Variants in ZNF804A observed in about 807,000 individuals in gnomAD.
ZNF804A encodes the protein zinc finger protein 804A.
A neutral mutation model predicts 16.5 loss-of-function variants in ZNF804A; 2 were observed. The ratio of observed to expected loss-of-function variants is 0.12; its 90% CI spans 0.05 to 0.38. The LOEUF (loss-of-function observed/expected upper bound fraction) is 0.38, where lower values mean the gene tolerates loss of function less well. ZNF804A is among the 10% of genes least tolerant of loss of function. ZNF804A has a pLI of 0.99. For synonymous variants in ZNF804A, 534 were observed against 489.6 expected, an observed-to-expected ratio of 1.09 and a Z score of -1.20; for missense variants, 1,473 against 1,390.7, an observed-to-expected ratio of 1.06 and a Z score of -0.94.
intron 1 of ZNF804A, among the ~76,000 whole-genome samples, chr2:184,839,444 C>T (rs1469494736): frequency 1.3e-5 from 2 of 152,050 alleles, no homozygotes; most frequent in Non-Finnish European, 2.9e-5. Context: ...ATTAATTTAA[C>T]ATGTATTTCC....
At chr2:184,657,985 A>G (rs972364430) in intron 1 of ZNF804A, among the ~76,000 whole-genome samples, 1 of 152,238 alleles carries the variant, frequency 6.6e-6, no homozygotes, top group African/African-American at 2.4e-5. Flanking sequence ...TACGATTGTC[A>G]AATTGTTCAT....
intron 1 of ZNF804A, among the ~76,000 whole-genome samples, chr2:184,675,384 GT>G (rs1199353655): frequency 6.6e-6 from 1 of 151,582 alleles, no homozygotes; most frequent in Admixed American, 6.6e-5. Context: ...GCACAGGTTT[GT>G]TTTTTACAAA....
intron 2 of ZNF804A, among the ~76,000 whole-genome samples, 164 bp downstream of exon 2, chr2:184,866,676 T>C (rs1010007313): frequency 2.7e-5 from 4 of 150,314 alleles, no homozygotes; most frequent in Non-Finnish European, 5.9e-5. Flanking sequence ...TACAGCAAAA[T>C]CCTTTTTTTT....
chr2:184,810,861 A>G (rs960664918), intron 1 of ZNF804A, among the ~76,000 whole-genome samples: 2 of 152,192 alleles, frequency 1.3e-5, no homozygotes, highest in African/African-American at 2.4e-5. Context: ...TTCCACCAGA[A>G]TAAGAGCGTA....
intron 1 of ZNF804A, among the ~76,000 whole-genome samples, chr2:184,712,093 C>A (rs1242605933): frequency 6.6e-6 from 1 of 151,714 alleles, no homozygotes; most frequent in Admixed American, 6.6e-5. Flanking sequence ...ATCCAGTCCA[C>A]AAACATGGGA....
chr2:184,811,523 C>T (rs985578255), intron 1 of ZNF804A, among the ~76,000 whole-genome samples: 3 of 151,952 alleles, frequency 2.0e-5, no homozygotes, highest in Non-Finnish European at 2.9e-5. Flanking sequence ...CATAAAAATA[C>T]ACGCATTATA....
chr2:184,828,215 G>A (rs533256381), intron 1 of ZNF804A, among the ~76,000 whole-genome samples: 1 of 151,828 alleles, frequency 6.6e-6, no homozygotes, highest in South Asian at 2.1e-4. Flanking sequence ...ACTTACAGAG[G>A]TTAAGAATTT....
At chr2:184,771,291 A>G (rs1315809140) in intron 1 of ZNF804A, among the ~76,000 whole-genome samples, 1 of 152,092 alleles carries the variant, frequency 6.6e-6, no homozygotes, top group African/African-American at 2.4e-5. Context: ...TCAGCAATGT[A>G]TAGCTGCATA....
At position 184,938,503 on chromosome 2, in the gene ZNF804A, T is replaced by A; in HGVS notation, c.3107T>A (p.Ile1036Asn). ...PLALPEQALL[I>N]PLENHDKFKN... ...GCTTTACCAGAGCAAGCATTATTGA[T>A]CCCACTAGAAAACCATGACAAATTC... Residue 1036 changes from isoleucine to asparagine, a missense_variant, in exon 4 of 4, where the codon ATC becomes AAC. Transcript: ENST00000302277. The A allele has an allele frequency of 1.2e-6, 2 of 1,614,052 alleles. No individual in the cohort carries two copies. Among genetic ancestry groups the A allele is most frequent in the Admixed American group, 3.3e-5 (2 of 59,980 alleles).
intron 2 of ZNF804A, among the ~76,000 whole-genome samples, chr2:184,929,379 GT>G (rs1229640349): frequency 2.6e-5 from 4 of 151,930 alleles, no homozygotes; most frequent in African/African-American, 9.7e-5. Flanking sequence ...TCATTCATTT[GT>G]TTTTCATTAG....
intron 1 of ZNF804A, among the ~76,000 whole-genome samples, chr2:184,774,241 C>T (rs1694256534): frequency 6.6e-6 from 1 of 151,810 alleles, no homozygotes; most frequent in African/African-American, 2.4e-5. Context: ...ACAAAATAAA[C>T]ATACACAGAA....
intron 1 of ZNF804A, among the ~76,000 whole-genome samples, chr2:184,840,633 A>G (rs1412929349): frequency 6.6e-6 from 1 of 151,132 alleles, no homozygotes; most frequent in Non-Finnish European, 1.5e-5. Flanking sequence ...AACAAAACAG[A>G]AATATTTACT....
At chr2:184,674,821 A>G (rs1692395245) in intron 1 of ZNF804A, among the ~76,000 whole-genome samples, 1 of 151,968 alleles carries the variant, frequency 6.6e-6, no homozygotes, top group African/African-American at 2.4e-5. Flanking sequence ...ATAAAATGTG[A>G]ACAACTCACT....
intron 1 of ZNF804A, among the ~76,000 whole-genome samples, chr2:184,845,315 T>C (rs1695494957): frequency 6.6e-6 from 1 of 152,174 alleles, no homozygotes; most frequent in South Asian, 2.1e-4. Flanking sequence ...CTGAGATAAA[T>C]AGACCTTCAG....
rs1272585855 is a variant in ZNF804A, at chr2:184,937,410, G to T, written c.2014G>T (p.Glu672Ter). The T allele has an allele frequency of 6.2e-7, 1 of 1,612,622 alleles. No individual in the cohort carries two copies. The highest frequency in any genetic ancestry group is 1.3e-5 in the African/African-American group (1 of 74,878). ...SESISLSDNEEMCKTWNTEYN... is the reference protein window; with the variant it reads ...SESISLSDNE ...ATCCATATCCTTAAGTGACAATGAA[G>T]AAATGTGTAAAACATGGAATACTGA... Residue 672 changes from glutamate to a stop codon, truncating the protein, a stop_gained, in exon 4 of 4, where the codon GAA (glutamate) becomes TAA (stop). Coordinates refer to ENST00000302277, the MANE Select transcript of ZNF804A (RefSeq NM_194250.2). LOFTEE classifies it low-confidence loss of function (END_TRUNC).
chr2:184,910,762 T>C (rs1456863434), intron 2 of ZNF804A, among the ~76,000 whole-genome samples: 3 of 152,010 alleles, frequency 2.0e-5, no homozygotes, highest in African/African-American at 7.2e-5. Context: ...TGTTGGCCAC[T>C]TGTATATCTT....
At chr2:184,800,436 T>G (rs1694706028) in intron 1 of ZNF804A, among the ~76,000 whole-genome samples, 1 of 151,748 alleles carries the variant, frequency 6.6e-6, no homozygotes, top group Non-Finnish European at 1.5e-5. Flanking sequence ...TACTATATAT[T>G]TACTCAAAGA....
intron 1 of ZNF804A, among the ~76,000 whole-genome samples, chr2:184,772,166 T>C (rs1694225625): frequency 6.6e-6 from 1 of 151,948 alleles, no homozygotes; most frequent in Non-Finnish European, 1.5e-5. Flanking sequence ...AGATTTTCTG[T>C]TTTGTTGATA....
At chr2:184,634,030 G>A (rs761622037) in intron 1 of ZNF804A, among the ~76,000 whole-genome samples, 6 of 152,086 alleles carry the variant, frequency 3.9e-5, no homozygotes, top group Non-Finnish European at 8.8e-5. Context: ...AGCAAACTGA[G>A]TTGGTGGCTG....
Sources: gnomAD v4.1 joint callset for allele counts (sites outside exome capture counted in the v4.1 genomes callset) on GRCh38, gnomAD v4.1.1 for gene constraint, MANE v1.5 for transcripts, NCBI Gene and HGNC (gene_info 2026-07-23, HGNC 2026-07-21) for gene names.